The following FUT8 variants were observed in gnomAD, a reference collection of about 807,000 sequenced individuals.
FUT8 encodes alpha-(1,6)-fucosyltransferase.
A neutral mutation model predicts 71.3 loss-of-function variants in FUT8; 29 were observed. That is an observed-to-expected ratio of 0.41 (90% CI 0.30 to 0.55). FUT8 has a LOEUF of 0.55. Ranked by LOEUF, FUT8 falls within the 20% of genes least tolerant of loss-of-function variation. FUT8 has a pLI of 0.34. For missense variants in FUT8, 544 were observed against 702.1 expected (o/e 0.77, Z 2.55); for synonymous variants, 254 against 239.3 (o/e 1.06, Z -0.57).
chr14:65,560,844 C>T (rs1885878700), intron 2 of FUT8, among the ~76,000 whole-genome samples: 1 of 152,062 alleles, frequency 6.6e-6, no homozygotes, highest in Non-Finnish European at 1.5e-5. Context: ...TGACAATTTG[C>T]CTGTCACCTG....
intron 1 of FUT8, among the ~76,000 whole-genome samples, chr14:65,424,470 T>C (rs1052387659): frequency 1.3e-5 from 2 of 152,098 alleles, no homozygotes; most frequent in Admixed American, 6.6e-5. Flanking sequence ...AATGATAAAA[T>C]AGACTAGTAT....
At chr14:65,678,710 A>G (rs898020580) in intron 7 of FUT8, among the ~76,000 whole-genome samples, 1 of 152,188 alleles carries the variant, frequency 6.6e-6, no homozygotes, top group African/African-American at 2.4e-5. Flanking sequence ...CCAGGTAGGA[A>G]TTTCCACGTA....
intron 6 of FUT8, among the ~76,000 whole-genome samples, chr14:65,641,167 C>T (rs982149036): frequency 8.5e-5 from 13 of 152,104 alleles, no homozygotes; most frequent in African/African-American, 2.9e-4. Context: ...TTTGTGTTTC[C>T]TCCACCACTT....
intron 3 of FUT8, among the ~76,000 whole-genome samples, chr14:65,606,572 T>G (rs1888602469): frequency 6.6e-6 from 1 of 151,868 alleles, no homozygotes; most frequent in Non-Finnish European, 1.5e-5. Context: ...TATTGAATTA[T>G]TTTTCCTTTC....
At chr14:65,735,076 T>G in intron 10 of FUT8, among the ~76,000 whole-genome samples, 1 of 152,144 alleles carries the variant, frequency 6.6e-6, no homozygotes, top group Admixed American at 6.6e-5. Context: ...AACATACACA[T>G]GTCTAAATGT....
At chr14:65,409,498 A>G (rs2065101943), upstream of FUT8, among the ~76,000 whole-genome samples, 1 of 152,184 alleles carries the variant, frequency 6.6e-6, no homozygotes, top group South Asian at 2.1e-4. The surrounding 1 kb of genome is among the most constrained non-coding windows in gnomAD (Gnocchi z 5.4). Context: ...GCACTATTAC[A>G]CTTTGGCTAT....
At chr14:65,443,062 A>C (rs1356772028) in intron 1 of FUT8, among the ~76,000 whole-genome samples, 3 of 152,152 alleles carry the variant, frequency 2.0e-5, no homozygotes, top group Non-Finnish European at 2.9e-5. Context: ...AGTATATGGA[A>C]ACTTACTGTA....
chr14:65,529,553 C>T (rs1420329062), intron 2 of FUT8: 2 of 153,102 alleles, frequency 1.3e-5, no homozygotes, highest in Admixed American at 6.5e-5. Flanking sequence ...GTTTTTACCT[C>T]CCTTACCTTA....
At chr14:65,602,002 G>C (rs1379642509) in intron 3 of FUT8, among the ~76,000 whole-genome samples, 1 of 151,736 alleles carries the variant, frequency 6.6e-6, no homozygotes, top group Non-Finnish European at 1.5e-5. Flanking sequence ...ATATCCGTAA[G>C]TTTTTGGAGG....
At chr14:65,398,537 G>T in the FUT8 span, among the ~76,000 whole-genome samples, 90,022 of 151,664 alleles carry the variant, frequency 0.59, 26,861 homozygotes, top group East Asian at 0.77. Context: ...AGATCAAGAC[G>T]ATTCTGGCCA....
intron 7 of FUT8, among the ~76,000 whole-genome samples, chr14:65,719,482 G>A (rs902678495): frequency 6.6e-6 from 1 of 151,990 alleles, no homozygotes; most frequent in African/African-American, 2.4e-5. Flanking sequence ...GTTTTTCAAG[G>A]CCATGTTTTC....
chr14:65,455,712 A>G lies in FUT8; in HGVS notation c.-234A>G. The stretch of plus-strand genomic sequence containing the variant: ...TTTGCCTTTGTTGATTAACTGGACA[A>G]ATTCAGGTTAGTGTATTTTGTGGAC... On this transcript the variant is annotated 5_prime_UTR_variant, in exon 2 of 11. Transcript: ENST00000673929. The G allele has an allele frequency of 2.5e-6, 1 of 398,246 alleles. No homozygotes were observed. The highest frequency in any genetic ancestry group is 4.4e-6 in the Non-Finnish European group (1 of 225,876). 24.7% of individuals were successfully genotyped at this position (398,246 alleles called of 1,614,324 possible).
intron 6 of FUT8, among the ~76,000 whole-genome samples, chr14:65,662,943 C>A (rs1204005425): frequency 2.6e-5 from 4 of 152,158 alleles, no homozygotes; most frequent in Non-Finnish European, 5.9e-5. Context: ...CTTGAATTAT[C>A]ATTATTGCAA....
upstream of FUT8, among the ~76,000 whole-genome samples, chr14:65,407,947 G>T (rs1440833201): frequency 6.6e-6 from 1 of 152,130 alleles, no homozygotes; most frequent in Non-Finnish European, 1.5e-5. Context: ...CCCAGATATG[G>T]ACTGAAAATC....
chr14:65,600,558 G>T (rs1888240004), intron 3 of FUT8, among the ~76,000 whole-genome samples: 2 of 152,112 alleles, frequency 1.3e-5, no homozygotes, highest in South Asian at 4.1e-4. Context: ...AAGAGATGAT[G>T]ATGTCTCCAT....
chr14:65,598,962 T>C (rs1404096371), intron 3 of FUT8, among the ~76,000 whole-genome samples: 1 of 151,974 alleles, frequency 6.6e-6, no homozygotes, highest in Non-Finnish European at 1.5e-5. Context: ...GGCTAATTTT[T>C]TGTATTTTAG....
At chr14:65,733,015 T>C (rs1379658052) in intron 9 of FUT8, among the ~76,000 whole-genome samples, 1 of 152,180 alleles carries the variant, frequency 6.6e-6, no homozygotes, top group Non-Finnish European at 1.5e-5. Context: ...GTATGTGTGT[T>C]TTATATGATA....
intron 2 of FUT8, among the ~76,000 whole-genome samples, chr14:65,518,708 G>A (rs1353777405): frequency 6.6e-6 from 1 of 151,718 alleles, no homozygotes; most frequent in Non-Finnish European, 1.5e-5. Flanking sequence ...TATTTTTTTT[G>A]TAGAGATGGT....
intron 7 of FUT8, among the ~76,000 whole-genome samples, chr14:65,717,139 T>C (rs1895129471): frequency 8.5e-6 from 1 of 117,550 alleles, no homozygotes; most frequent in South Asian, 3.0e-4. Flanking sequence ...GCTCCTCATT[T>C]CCCAGATGGG....
Sources: allele counts gnomAD v4.1 joint callset (sites outside exome capture counted in the v4.1 genomes callset), GRCh38; gene constraint gnomAD v4.1.1; non-coding constraint Gnocchi (gnomAD v3.1); transcripts MANE v1.5; gene names NCBI Gene and HGNC (gene_info 2026-07-23, HGNC 2026-07-21).